The following CNTNAP4 variants were observed in gnomAD, a reference collection of about 807,000 sequenced individuals.
The protein encoded by CNTNAP4 is contactin associated protein family member 4.
CNTNAP4 carries 98 observed loss-of-function variants against 148.4 expected under a neutral mutation model. The ratio of observed to expected loss-of-function variants is 0.66; its 90% CI spans 0.56 to 0.78. The LOEUF (loss-of-function observed/expected upper bound fraction) is 0.78. Ranked by LOEUF, CNTNAP4 falls within the 30% of genes least tolerant of loss-of-function variation. CNTNAP4 has a pLI of 0.00. For synonymous variants in CNTNAP4, 730 were observed against 565.1 expected (o/e 1.29, Z -4.14); for missense variants, 1,935 against 1,565.6 (o/e 1.24, Z -3.98).
At chr16:76,293,291 A>G (rs938420647) in intron 1 of CNTNAP4, among the ~76,000 whole-genome samples, 9 of 151,974 alleles carry the variant, frequency 5.9e-5, no homozygotes, top group African/African-American at 9.7e-5. Flanking sequence ...CGCCCAGCTA[A>G]TTTTTGTATG....
At chr16:76,308,946 G>A (rs994278261) in intron 1 of CNTNAP4, among the ~76,000 whole-genome samples, 3 of 151,820 alleles carry the variant, frequency 2.0e-5, no homozygotes, top group African/African-American at 4.8e-5. Flanking sequence ...TGCCTCAGCC[G>A]TCTGAGTAGC....
intron 15 of CNTNAP4, among the ~76,000 whole-genome samples, chr16:76,500,616 TTGTGTGTG>T (rs5818001): frequency 4.1e-5 from 6 of 147,888 alleles, no homozygotes; most frequent in South Asian, 2.1e-4. Flanking sequence ...TTTTTCCAGT[TTGTGTGTG>T]TGTGTGTGTG....
intron 1 of CNTNAP4, 128 bp downstream of exon 1, chr16:76,277,875 C>G (rs1958539118): frequency 1.5e-6 from 1 of 669,384 alleles, no homozygotes; most frequent in African/African-American, 1.8e-5. Flanking sequence ...CCAAGCATCA[C>G]TTAAAAATCT....
At chr16:76,500,039 C>T (rs1025592004) in intron 15 of CNTNAP4, among the ~76,000 whole-genome samples, 46 of 152,280 alleles carry the variant, frequency 3.0e-4, no homozygotes, top group Admixed American at 9.1e-4. Flanking sequence ...AAACCGCCAT[C>T]GTCATCATGG....
intron 1 of CNTNAP4, among the ~76,000 whole-genome samples, chr16:76,288,176 T>C (rs140806744): frequency 6.6e-6 from 1 of 152,156 alleles, no homozygotes; most frequent in African/African-American, 2.4e-5. Flanking sequence ...TAGGAGGCTT[T>C]CCCCTTCACT....
chr16:76,318,748 CATA>C (rs371776551), intron 2 of CNTNAP4, among the ~76,000 whole-genome samples: 6,064 of 146,018 alleles, frequency 0.042, 318 homozygotes, highest in African/African-American at 0.12. Flanking sequence ...TAATAATAAT[CATA>C]ATAATATTCA....
intron 12 of CNTNAP4, among the ~76,000 whole-genome samples, chr16:76,484,025 A>C (rs2081934500): frequency 6.6e-6 from 1 of 151,884 alleles, no homozygotes. Flanking sequence ...TGAATATATT[A>C]TTTAAATTAA....
intron 21 of CNTNAP4, among the ~76,000 whole-genome samples, chr16:76,541,599 T>A (rs996906506): frequency 3.9e-5 from 6 of 152,206 alleles, no homozygotes; most frequent in African/African-American, 1.4e-4. Context: ...TGGAATTTTA[T>A]TTTTTGACCT....
At chr16:76,466,798 T>G (rs978715863) in intron 9 of CNTNAP4, among the ~76,000 whole-genome samples, 11 of 152,162 alleles carry the variant, frequency 7.2e-5, no homozygotes, top group African/African-American at 2.7e-4. Flanking sequence ...CAAGACTTAC[T>G]AAAATCCTTG....
chr16:76,390,574 T>TAAA lies in CNTNAP4; in HGVS notation c.390+35074_390+35076dup, dbSNP rs10670094. On this transcript the variant is annotated intron_variant, in intron 3 of 23. Coordinates refer to ENST00000611870, the MANE Select transcript of CNTNAP4 (RefSeq NM_033401.5). ...CTCTTCTGGCCCCATAAATAACAGG[T>TAAA]AAAAAAAAAAAAAGCCCTGCTTGTT... Among the ~76,000 whole-genome samples, 573 of 144,786 alleles carry TAAA rather than the reference T, an allele frequency of 4.0e-3. 2 individuals are homozygous for TAAA. The highest frequency in any genetic ancestry group is 7.1e-3 in the African/African-American group (280 of 39,614). 95.0% of individuals were successfully genotyped at this position (144,786 alleles called of 152,430 possible).
chr16:76,324,633 G>A (rs1962776170), intron 2 of CNTNAP4, among the ~76,000 whole-genome samples: 1 of 152,184 alleles, frequency 6.6e-6, no homozygotes, highest in Non-Finnish European at 1.5e-5. Context: ...CTAGCATGGT[G>A]TCTGGCTATA....
chr16:76,397,640 C>A (rs1465692492), intron 3 of CNTNAP4, among the ~76,000 whole-genome samples: 1 of 151,758 alleles, frequency 6.6e-6, no homozygotes, highest in Non-Finnish European at 1.5e-5. Context: ...CTGGATGATT[C>A]TGATGCATAC....
chr16:76,401,774 G>A (rs955807026), intron 3 of CNTNAP4, among the ~76,000 whole-genome samples: 2 of 152,114 alleles, frequency 1.3e-5, no homozygotes, highest in African/African-American at 4.8e-5. Flanking sequence ...TTTATTAAAA[G>A]CCTTTTCCAC....
chr16:76,487,630 A>G (rs9923842), intron 12 of CNTNAP4, among the ~76,000 whole-genome samples: 6,216 of 152,258 alleles, frequency 0.041, 278 homozygotes, highest in African/African-American at 0.11. Flanking sequence ...CTCAAAATCT[A>G]TTGTGACAAT....
chr16:76,441,884 A>C (rs1168731835), intron 4 of CNTNAP4, among the ~76,000 whole-genome samples: 4 of 152,174 alleles, frequency 2.6e-5, no homozygotes, highest in African/African-American at 9.6e-5. Flanking sequence ...ATAAGCATGC[A>C]TACAACAATC....
At chr16:76,435,147 T>C (rs1360148702) in intron 4 of CNTNAP4, among the ~76,000 whole-genome samples, 1 of 152,144 alleles carries the variant, frequency 6.6e-6, no homozygotes, top group African/African-American at 2.4e-5. Context: ...CTCCCCTTCA[T>C]TCAAGGGGTT....
At chr16:76,432,340 A>G (rs1211385053) in intron 4 of CNTNAP4, 1 of 152,176 alleles carries the variant, frequency 6.6e-6, no homozygotes, top group Non-Finnish European at 1.5e-5. Flanking sequence ...AGGAACATCA[A>G]GTGAATGGAA....
intron 2 of CNTNAP4, among the ~76,000 whole-genome samples, chr16:76,337,404 G>C (rs776362463): frequency 6.6e-6 from 1 of 152,094 alleles, no homozygotes; most frequent in African/African-American, 2.4e-5. Flanking sequence ...ATCACATATC[G>C]ACAGGTTCTG....
At chr16:76,324,805 G>C (rs898773932) in intron 2 of CNTNAP4, among the ~76,000 whole-genome samples, 3 of 152,040 alleles carry the variant, frequency 2.0e-5, no homozygotes, top group Non-Finnish European at 2.9e-5. Context: ...CTCTCTCTCT[G>C]TTTCCTCTTC....
Sources: gnomAD v4.1 joint callset for allele counts (sites outside exome capture counted in the v4.1 genomes callset) on GRCh38, gnomAD v4.1.1 for gene constraint, MANE v1.5 for transcripts, NCBI Gene and HGNC (gene_info 2026-07-23, HGNC 2026-07-21) for gene names.